The following DCC variants were observed in gnomAD, a reference collection of about 807,000 sequenced individuals.
DCC encodes netrin receptor DCC.
A neutral mutation model predicts 172.5 loss-of-function variants in DCC; 58 were observed. The ratio of observed to expected loss-of-function variants is 0.34; its 90% CI spans 0.27 to 0.42. DCC has a LOEUF of 0.42. DCC is among the 10% of genes least tolerant of loss of function. DCC has a pLI of 1.00. For missense variants in DCC, 1,740 were observed against 1,791.0 expected (o/e 0.97, Z 0.51); for synonymous variants, 709 against 644.5 (o/e 1.10, Z -1.52).
chr18:53,228,657 T>C (rs1287062257), intron 12 of DCC, among the ~76,000 whole-genome samples: 1 of 152,158 alleles, frequency 6.6e-6, no homozygotes, highest in Admixed American at 6.6e-5. Context: ...GGGCATTTTC[T>C]GACTATACTT....
chr18:52,423,637 G>T (rs554500873), intron 1 of DCC, among the ~76,000 whole-genome samples: 1 of 152,180 alleles, frequency 6.6e-6, no homozygotes, highest in South Asian at 2.1e-4. Context: ...ATTGGTTTCT[G>T]TTTACACATA....
At chr18:53,379,691 C>T (rs1034601274) in intron 15 of DCC, among the ~76,000 whole-genome samples, 3 of 152,094 alleles carry the variant, frequency 2.0e-5, no homozygotes, top group African/African-American at 7.2e-5. Context: ...CTTTCCTGGC[C>T]ACAGAGAATA....
chr18:53,394,342 G>T (rs1908775103), intron 17 of DCC, among the ~76,000 whole-genome samples: 1 of 152,184 alleles, frequency 6.6e-6, no homozygotes. Context: ...TTAAACTAGA[G>T]CAGGATCTCA....
intron 2 of DCC, among the ~76,000 whole-genome samples, chr18:52,857,521 A>G (rs1192063588): frequency 2.6e-5 from 4 of 152,220 alleles, no homozygotes; most frequent in Non-Finnish European, 4.4e-5. Context: ...TTAGAAAACT[A>G]TAAACTGAAT....
chr18:53,375,713 A>C (rs2058103752), intron 15 of DCC, among the ~76,000 whole-genome samples: 1 of 144,996 alleles, frequency 6.9e-6, no homozygotes, highest in Non-Finnish European at 1.5e-5. Context: ...GTAAAGCTTT[A>C]CTGAAAAATC....
chr18:52,736,676 A>G (rs1054120329), intron 1 of DCC, among the ~76,000 whole-genome samples: 1 of 152,204 alleles, frequency 6.6e-6, no homozygotes, highest in Non-Finnish European at 1.5e-5. Context: ...CCTAGTACAT[A>G]TTATACAAAT....
At chr18:52,667,252 G>A (rs2035472659) in intron 1 of DCC, among the ~76,000 whole-genome samples, 2 of 152,156 alleles carry the variant, frequency 1.3e-5, no homozygotes. Flanking sequence ...GAGTTGGTTT[G>A]CCCCAACCCC....
intron 1 of DCC, among the ~76,000 whole-genome samples, chr18:52,396,803 T>C (rs1986247988): frequency 6.6e-6 from 1 of 152,016 alleles, no homozygotes; most frequent in Non-Finnish European, 1.5e-5. Context: ...ATTTAATGAA[T>C]AGTAACTAAA....
intron 1 of DCC, among the ~76,000 whole-genome samples, chr18:52,662,156 C>A (rs181264137): frequency 6.6e-6 from 1 of 152,176 alleles, no homozygotes; most frequent in Non-Finnish European, 1.5e-5. Flanking sequence ...GGCCCCACAC[C>A]TAGAGTTTCT....
At chr18:52,981,234 T>C (rs1174160804) in intron 5 of DCC, among the ~76,000 whole-genome samples, 1 of 152,188 alleles carries the variant, frequency 6.6e-6, no homozygotes, top group African/African-American at 2.4e-5. Flanking sequence ...CCAAAACCTG[T>C]AGAACTTGTG....
At chr18:53,026,017 G>A (rs188715235) in intron 5 of DCC, among the ~76,000 whole-genome samples, 1 of 152,110 alleles carries the variant, frequency 6.6e-6, no homozygotes, top group Non-Finnish European at 1.5e-5. Context: ...CACAGAAAAT[G>A]TTCCAATTCA....
At chr18:52,540,773 A>T (rs542593043) in intron 1 of DCC, among the ~76,000 whole-genome samples, 1 of 151,420 alleles carries the variant, frequency 6.6e-6, no homozygotes, top group Non-Finnish European at 1.5e-5. Flanking sequence ...CGCCCAGCTA[A>T]TTTTTTGTAT....
intron 1 of DCC, among the ~76,000 whole-genome samples, chr18:52,516,019 C>T (rs2031629431): frequency 6.6e-6 from 1 of 150,434 alleles, no homozygotes; most frequent in Admixed American, 6.6e-5. Context: ...CATTTTTAGT[C>T]ATTGGGGAAA....
At chr18:52,672,985 C>T (rs2035580501) in intron 1 of DCC, among the ~76,000 whole-genome samples, 1 of 152,168 alleles carries the variant, frequency 6.6e-6, no homozygotes, top group Non-Finnish European at 1.5e-5. Flanking sequence ...ATTGCTTGAG[C>T]CCAGGAGTTT....
intron 8 of DCC, among the ~76,000 whole-genome samples, chr18:53,177,008 G>A (rs1479249722): frequency 6.6e-6 from 1 of 152,048 alleles, no homozygotes; most frequent in African/African-American, 2.4e-5. Context: ...CATAAAAAAT[G>A]ATGAGTTCAT....
At chr18:52,570,888 T>A (rs1385231884) in intron 1 of DCC, among the ~76,000 whole-genome samples, 1 of 152,186 alleles carries the variant, frequency 6.6e-6, no homozygotes, top group African/African-American at 2.4e-5. Flanking sequence ...TTTATTAATT[T>A]TTTTGGTCAG....
intron 2 of DCC, among the ~76,000 whole-genome samples, chr18:52,762,933 T>A (rs2037187395): frequency 6.6e-6 from 1 of 152,222 alleles, no homozygotes; most frequent in Non-Finnish European, 1.5e-5. Flanking sequence ...TTACACTATT[T>A]ACATCCTAAC....
chr18:52,637,173 C>A (rs1205871524), intron 1 of DCC, among the ~76,000 whole-genome samples: 5 of 152,198 alleles, frequency 3.3e-5, no homozygotes, highest in African/African-American at 1.2e-4. Context: ...GAACAACAGA[C>A]TTCAGCCCTA....
chr18:52,487,984 A>C (rs753017020), intron 1 of DCC, among the ~76,000 whole-genome samples: 3 of 152,070 alleles, frequency 2.0e-5, no homozygotes, highest in Non-Finnish European at 4.4e-5. Flanking sequence ...AGATTTATGC[A>C]CTAAGAAAGA....
Sources: gnomAD v4.1 joint callset for allele counts (sites outside exome capture counted in the v4.1 genomes callset) on GRCh38, gnomAD v4.1.1 for gene constraint, MANE v1.5 for transcripts, NCBI Gene and HGNC (gene_info 2026-07-23, HGNC 2026-07-21) for gene names.